Variants in RSRP1 observed in about 807,000 individuals in gnomAD.
RSRP1 encodes the protein arginine and serine rich protein 1, also known as arginine/serine-rich protein 1.
In RSRP1, 37 loss-of-function variants were observed where a neutral mutation model predicts 33.0. The ratio of observed to expected loss-of-function variants is 1.12; its 90% CI spans 0.86 to 1.48. RSRP1 has a LOEUF of 1.48. Ranked by LOEUF, RSRP1 falls within the 40% of genes most tolerant of loss-of-function variation. The probability of loss-of-function intolerance (pLI) is 0.00; values close to 1 mark genes in which losing one functional copy is unlikely to be tolerated. For synonymous variants in RSRP1, 167 were observed against 158.7 expected, an observed-to-expected ratio of 1.05 and a Z score of -0.40; for missense variants, 402 against 385.3, an observed-to-expected ratio of 1.04 and a Z score of -0.36.
At chr1:25,243,049 GCAC>G (rs1265527309) in intron 4 of RSRP1, among the ~76,000 whole-genome samples, 1 of 151,964 alleles carries the variant, frequency 6.6e-6, no homozygotes, top group African/African-American at 2.4e-5. Flanking sequence ...AGCCAAGATT[GCAC>G]CACTACACTC....
Position 25,279,810 on chromosome 1 carries a change from A to G in RSRP1, c.-66-32781T>C, listed in dbSNP as rs1232215479. Among the ~76,000 whole-genome samples, 16 of 130,266 alleles carry G rather than the reference A, an allele frequency of 1.2e-4. 2 individuals carry two copies. In the East Asian group the frequency reaches 3.1e-3, roughly 26 times the overall value. The allele number at this position is 130,266 out of a possible 152,430, so 85.5% of individuals were successfully genotyped here. A position where few individuals can be genotyped will look rare whatever the true frequency, so the allele number is the denominator to read the frequency against. On this transcript the variant is annotated intron_variant, in intron 1 of 1. Coordinates refer to the RSRP1 transcript ENST00000561867. The stretch of plus-strand genomic sequence containing the variant: ...CTGAAGGCTTTCCGTAGAATGTACA[A>G]TTCCCCTCTGGGTCCAGGCATGGGC...
chr1:25,286,757 G>T (rs1642044650), intron 1 of RSRP1, among the ~76,000 whole-genome samples: 1 of 132,236 alleles, frequency 7.6e-6, no homozygotes, highest in Non-Finnish European at 1.8e-5. Flanking sequence ...CTGCACTCCA[G>T]CCTGGGTGAC....
In RSRP1 at chr1:25,242,717, C is replaced by A. The variant is rs1165691686; in HGVS notation, c.757-12G>T. 1 of 1,530,232 alleles carries A rather than the reference C, an allele frequency of 6.5e-7. No individual in the cohort carries two copies. The highest frequency in any genetic ancestry group is 1.1e-5 in the South Asian group (1 of 87,900). 94.8% of individuals were successfully genotyped at this position (1,530,232 alleles called of 1,614,324 possible). Reference sequence around the variant, plus strand: ...TTTGCTACAGAATTCTGTAAAAGAACAAATTCAGTCAGCTTCCCAAACATA... The same window carrying A: ...TTTGCTACAGAATTCTGTAAAAGAAAAAATTCAGTCAGCTTCCCAAACATA... On this transcript the variant is annotated splice_polypyrimidine_tract_variant and intron_variant, in intron 4 of 4. Transcript: ENST00000243189.
rs187356710 is a variant in RSRP1, at chr1:25,299,810, C to T, written c.-67+38168G>A. Among the ~76,000 whole-genome samples the T allele has an allele frequency of 2.7e-3, 359 of 131,910 alleles. 60 individuals carry two copies. The highest frequency in any genetic ancestry group is 8.4e-3 in the African/African-American group (323 of 38,350). The allele number at this position is 131,910 out of a possible 152,430, so 86.5% of individuals were successfully genotyped here. On this transcript the variant is annotated intron_variant, in intron 1 of 1. Transcript: ENST00000561867. The stretch of plus-strand genomic sequence containing the variant: ...TGTCGCTGAAGCTGGAGTGCAGTGG[C>T]GACATCTCAGCTCACTATAGCCTCC...
At chr1:25,290,554 A>AGGAT in intron 1 of RSRP1, 2 of 1,099,950 alleles carry the variant, frequency 1.8e-6, no homozygotes, top group South Asian at 2.5e-5. Flanking sequence ...GTTTGTTGAA[A>AGGAT]GAATGAATGA....
intron 1 of RSRP1, among the ~76,000 whole-genome samples, chr1:25,292,796 C>G (rs1642628229): frequency 8.3e-6 from 1 of 120,812 alleles, no homozygotes; most frequent in African/African-American, 2.8e-5. Context: ...AGCCATGAGA[C>G]CCAAGGAGAT....
At position 25,290,595 on chromosome 1, in the gene RSRP1, G is replaced by C. The variant is rs1571626147; in HGVS notation, c.-66-43566C>G. On this transcript the variant is annotated intron_variant, in intron 1 of 1. Coordinates refer to the RSRP1 transcript ENST00000561867. Reference sequence around the variant, plus strand: ...TGAATGAATGAATGAATGAGTGAGAGGCATCCTTCCTTCTCAGTCGTCCTG... The same window carrying C: ...TGAATGAATGAATGAATGAGTGAGACGCATCCTTCCTTCTCAGTCGTCCTG... The C allele has an allele frequency of 7.9e-6, 10 of 1,270,222 alleles. 1 individual carries two copies. The East Asian group carries it at 2.0e-4, about 26-fold the overall frequency. 78.7% of individuals were successfully genotyped at this position (1,270,222 alleles called of 1,614,324 possible).
chr1:25,274,994 A>G (rs925514312), intron 1 of RSRP1, among the ~76,000 whole-genome samples: 6 of 131,538 alleles, frequency 4.6e-5, no homozygotes, highest in African/African-American at 1.6e-4. Context: ...AAAAAAACAA[A>G]GAGGAGAGCA....
At position 25,296,646 on chromosome 1, in the gene RSRP1, T is replaced by G. The variant is rs372409529; in HGVS notation, c.-67+41332A>C. On this transcript the variant is annotated intron_variant, in intron 1 of 1. Coordinates refer to the RSRP1 transcript ENST00000561867. ...AGGGCATGACCTCGTGGGAGGTGAT[T>G]GGATCACAGGGGTGGTTTCCCCCAT... Among the ~76,000 whole-genome samples, 583 of 130,898 alleles carry G rather than the reference T, an allele frequency of 4.5e-3. 94 individuals are homozygous for G. Among genetic ancestry groups the G allele is most frequent in the African/African-American group, 0.014 (542 of 37,552 alleles). The allele number at this position is 130,898 out of a possible 152,430, so 85.9% of individuals were successfully genotyped here.
At chr1:25,246,029 G>A (rs1639354782) in intron 2 of RSRP1, 1 of 163,110 alleles carries the variant, frequency 6.1e-6, no homozygotes, top group South Asian at 1.5e-4. Flanking sequence ...TGGGATTACA[G>A]AGGTGAGCCG....
intron 3 of RSRP1, 110 bp from the exon 4 acceptor site, chr1:25,243,743 T>G: frequency 6.8e-7 from 1 of 1,476,806 alleles, no homozygotes; most frequent in Non-Finnish European, 9.0e-7. Flanking sequence ...GACACAAAAA[T>G]CAACTTGGAT....
intron 1 of RSRP1, among the ~76,000 whole-genome samples, chr1:25,287,206 C>T (rs1642100947): frequency 7.4e-6 from 1 of 135,456 alleles, no homozygotes; most frequent in Admixed American, 7.1e-5. Context: ...TGACAAAGGG[C>T]ACCCTGGGGG....
chr1:25,245,231 C>T lies in RSRP1; in HGVS notation c.591G>A (p.Leu197=), dbSNP rs1471809796. 1 of 1,613,962 alleles carries T rather than the reference C, an allele frequency of 6.2e-7. No individual in the cohort carries two copies. The highest frequency in any genetic ancestry group is 1.3e-5 in the African/African-American group (1 of 74,958). ...AAGGAACAGTTCTGAGACTAGCTGG[C>T]AAGTCAATGTTGGTTGTTCCTAGAG... is the stretch of plus-strand genomic sequence containing the variant. ...AKALGTTNID[L]PASLRTVPSA... is the part of the protein sequence containing the mutation. The change falls in exon 3 of 5, where the codon TTG becomes TTA. Residue 197 remains leucine, a synonymous_variant. Transcript: ENST00000243189.
Position 25,293,770 on chromosome 1 carries a change from T to A in RSRP1, c.-67+44208A>T, listed in dbSNP as rs1029709821. 1.4e-4 allele frequency among the ~76,000 whole-genome samples: 18 copies of A among 132,344 alleles called. 1 individual carries two copies. The highest frequency in any genetic ancestry group is 4.7e-4 in the African/African-American group (18 of 38,650). 86.8% of individuals were successfully genotyped at this position (132,344 alleles called of 152,430 possible). On this transcript the variant is annotated intron_variant, in intron 1 of 1. Coordinates refer to the RSRP1 transcript ENST00000561867. The stretch of plus-strand genomic sequence containing the variant: ...TTCTGCAAAGTTTTTATTCATGAAT[T>A]AAGAGTATTTCCCTTTGTCCATTAT...
chr1:25,301,781 G>A, intron 1 of RSRP1: 1 of 936,754 alleles, frequency 1.1e-6, no homozygotes, highest in Non-Finnish European at 1.7e-6. Context: ...CGTGGGTTGG[G>A]AGAGGGCATG....
Position 25,308,571 on chromosome 1 carries a change from C to T in RSRP1, c.-67+29407G>A, listed in dbSNP as rs1278782849. Reference sequence around the variant, plus strand: ...GCACTTGCAATTTCTATGGTACAAACGCTTCCCGCATGACTGAGTTCAAGC... The same window carrying T: ...GCACTTGCAATTTCTATGGTACAAATGCTTCCCGCATGACTGAGTTCAAGC... On this transcript the variant is annotated intron_variant, in intron 1 of 1. Transcript: ENST00000561867. Among the ~76,000 whole-genome samples the T allele has an allele frequency of 6.8e-5, 9 of 131,996 alleles. 3 individuals are homozygous for T. Among genetic ancestry groups the T allele is most frequent in the Non-Finnish European group, 1.6e-4 (9 of 55,962 alleles). 86.6% of individuals were successfully genotyped at this position (131,996 alleles called of 152,430 possible).
chr1:25,242,793 G>A (rs556030859), intron 4 of RSRP1, 88 bp from the exon 5 acceptor site: 18 of 906,138 alleles, frequency 2.0e-5, no homozygotes, highest in South Asian at 1.4e-4. Flanking sequence ...TCCCATGTAT[G>A]AGCCTTAGAG....
chr1:25,247,891 G>A (rs1433251304), upstream of RSRP1: 1 of 152,426 alleles, frequency 6.6e-6, no homozygotes, highest in African/African-American at 2.4e-5. Flanking sequence ...GCCGTCTGAC[G>A]GGCTGGTGCC....
intron 1 of RSRP1, chr1:25,337,699 A>T (rs1267872820): frequency 1.2e-4 from 18 of 149,114 alleles, no homozygotes; most frequent in African/African-American, 4.3e-4. Flanking sequence ...CCCAACCCAG[A>T]CAGAATTAGC....
Sources: gnomAD v4.1 joint callset for allele counts (sites outside exome capture counted in the v4.1 genomes callset) on GRCh38, gnomAD v4.1.1 for gene constraint, MANE v1.5 for transcripts, NCBI Gene and HGNC (gene_info 2026-07-23, HGNC 2026-07-21) for gene names.